Variants in MAN1A1 observed in about 807,000 individuals in gnomAD.
MAN1A1 encodes mannosyl-oligosaccharide 1,2-alpha-mannosidase IA.
In MAN1A1, 29 loss-of-function variants were observed where a neutral mutation model predicts 70.8. That is an observed-to-expected ratio of 0.41 (90% CI 0.31 to 0.56). The LOEUF (loss-of-function observed/expected upper bound fraction) is 0.56. Ranked by LOEUF, MAN1A1 falls within the 20% of genes least tolerant of loss-of-function variation. The pLI is 0.29. For synonymous variants in MAN1A1, 349 were observed against 330.1 expected (o/e 1.06, Z -0.62); for missense variants, 747 against 841.3 (o/e 0.89, Z 1.39).
intron 6 of MAN1A1, among the ~76,000 whole-genome samples, chr6:119,240,078 T>C (rs1211295870): frequency 2.6e-5 from 4 of 152,178 alleles, no homozygotes; most frequent in East Asian, 1.9e-4. Flanking sequence ...GTAGATGCTA[T>C]GGGAAAAGTA....
intron 2 of MAN1A1, among the ~76,000 whole-genome samples, chr6:119,309,771 T>G (rs890214258): frequency 6.6e-6 from 1 of 152,188 alleles, no homozygotes; most frequent in African/African-American, 2.4e-5. Context: ...ATTTCATAAT[T>G]GCAACCCATT....
intron 5 of MAN1A1, among the ~76,000 whole-genome samples, chr6:119,270,343 T>C (rs1775885547): frequency 6.6e-6 from 1 of 152,242 alleles, no homozygotes; most frequent in African/African-American, 2.4e-5. Context: ...CATATTAATA[T>C]TTTCAATTAA....
chr6:119,201,980 G>GA (rs1286292816), intron 7 of MAN1A1, among the ~76,000 whole-genome samples: 3 of 152,114 alleles, frequency 2.0e-5, no homozygotes, highest in Non-Finnish European at 4.4e-5. Flanking sequence ...AGTAATAAGT[G>GA]AATGTGAAGG....
chr6:119,291,286 A>G (rs1433354089), intron 4 of MAN1A1, among the ~76,000 whole-genome samples: 3 of 152,050 alleles, frequency 2.0e-5, no homozygotes, highest in African/African-American at 4.8e-5. Flanking sequence ...GCCTTCCGCC[A>G]TGATTGTGAG....
chr6:119,337,102 T>C (rs1773473087), intron 2 of MAN1A1, among the ~76,000 whole-genome samples: 2 of 152,190 alleles, frequency 1.3e-5, no homozygotes, highest in South Asian at 4.1e-4. Context: ...TTTTTTGTTT[T>C]TGGCACCACT....
At chr6:119,305,702 T>C (rs1473022722) in intron 3 of MAN1A1, among the ~76,000 whole-genome samples, 1 of 152,188 alleles carries the variant, frequency 6.6e-6, no homozygotes, top group African/African-American at 2.4e-5. Flanking sequence ...TTCATGGAAG[T>C]ATATATTGAA....
chr6:119,349,585 T>A lies in MAN1A1; in HGVS notation c.-266A>T. 1.0e-6 allele frequency: 1 copy of A among 985,910 alleles called. No homozygotes were observed. Among genetic ancestry groups the A allele is most frequent in the Non-Finnish European group, 1.2e-6 (1 of 830,068 alleles). 61.1% of individuals were successfully genotyped at this position (985,910 alleles called of 1,614,324 possible). On this transcript the variant is annotated 5_prime_UTR_variant, in exon 1 of 13. In the 5' UTR this introduces an upstream ATG that the reference lacks. Transcript: ENST00000368468. ...CAGCGTGGGCGGGAGACTCGTCAAC[T>A]TCGCCCGCTCCCCATCTCCGCGCTG...
At chr6:119,242,996 C>T (rs1465665287) in intron 6 of MAN1A1, among the ~76,000 whole-genome samples, 2 of 151,952 alleles carry the variant, frequency 1.3e-5, no homozygotes, top group Non-Finnish European at 2.9e-5. Flanking sequence ...GAAAAAGAAA[C>T]CATAAAGAAG....
In MAN1A1 at chr6:119,248,163, G is replaced by A. The variant is rs1005287777; in HGVS notation, c.992+97C>T. The A allele has an allele frequency of 5.4e-5, 42 of 779,756 alleles. No homozygotes were observed. In the African/African-American group the frequency reaches 7.2e-4, roughly 13 times the overall value. 48.3% of individuals were successfully genotyped at this position (779,756 alleles called of 1,614,324 possible). A position where few individuals can be genotyped will look rare whatever the true frequency, so the allele number is the denominator to read the frequency against. The stretch of plus-strand genomic sequence containing the variant: ...TCCCAGTGGAGTCTGTTAGTCACCA[G>A]TATCATATAAGTAATTATCTATCTA... On this transcript the variant is annotated intron_variant, in intron 6 of 12. Coordinates refer to ENST00000368468, the MANE Select transcript of MAN1A1 (RefSeq NM_005907.4).
upstream of MAN1A1, among the ~76,000 whole-genome samples, chr6:119,349,964 G>A (rs968712626): frequency 8.5e-5 from 13 of 152,054 alleles, no homozygotes; most frequent in Admixed American, 5.9e-4. Flanking sequence ...CGCGGGGCCG[G>A]GAGGCGCGAG....
chr6:119,326,176 TGAGCCGGCTGCTC>T (rs982590750), intron 2 of MAN1A1, among the ~76,000 whole-genome samples: 9 of 152,202 alleles, frequency 5.9e-5, no homozygotes, highest in Admixed American at 2.6e-4. Context: ...CTCGGCTGCT[TGAGCCGGCTGCTC>T]CCACGTATAC....
At chr6:119,307,240 T>C (rs1772557177) in intron 2 of MAN1A1, among the ~76,000 whole-genome samples, 1 of 152,204 alleles carries the variant, frequency 6.6e-6, no homozygotes, top group South Asian at 2.1e-4. Context: ...TAATCCTATT[T>C]AATGCAAATA....
chr6:119,201,428 T>C, intron 7 of MAN1A1, 81 bp from the exon 8 acceptor site: 1 of 887,910 alleles, frequency 1.1e-6, no homozygotes, highest in Non-Finnish European at 1.8e-6. Context: ...AACATACAAG[T>C]TGACTTAAAT....
At chr6:119,342,921 CT>C (rs1023456263) in intron 2 of MAN1A1, among the ~76,000 whole-genome samples, 1 of 152,078 alleles carries the variant, frequency 6.6e-6, no homozygotes, top group African/African-American at 2.4e-5. Flanking sequence ...CTCTCCCTTC[CT>C]TCTTCTTCCC....
chr6:119,248,599 G>A (rs933809286), intron 5 of MAN1A1, among the ~76,000 whole-genome samples: 1 of 152,184 alleles, frequency 6.6e-6, no homozygotes, highest in Non-Finnish European at 1.5e-5. Flanking sequence ...GGGAGATTTG[G>A]ATGCTACTGA....
At position 119,349,740 on chromosome 6, in the gene MAN1A1, C is replaced by T; in HGVS notation, c.-421G>A. ...AGCGAGTAGAGCAGCACGGTACACT[C>T]CGCCGCGGCCCCGCGAGCACTAATC... On this transcript the variant is annotated 5_prime_UTR_variant, in exon 1 of 13. Coordinates refer to ENST00000368468, the MANE Select transcript of MAN1A1 (RefSeq NM_005907.4). 2 of 985,594 alleles carry T rather than the reference C, an allele frequency of 2.0e-6. No homozygotes were observed. The highest frequency in any genetic ancestry group is 2.4e-6 in the Non-Finnish European group (2 of 829,968). The allele number at this position is 985,594 out of a possible 1,614,324, so 61.1% of individuals were successfully genotyped here.
intron 5 of MAN1A1, among the ~76,000 whole-genome samples, chr6:119,256,294 T>A (rs762022682): frequency 6.6e-6 from 1 of 152,212 alleles, no homozygotes; most frequent in Admixed American, 6.5e-5. Context: ...TTATCTAGCT[T>A]TTTAAAGATA....
chr6:119,193,796 A>G lies in MAN1A1; in HGVS notation c.1307T>C (p.Met436Thr). 6.2e-7 allele frequency: 1 copy of G among 1,613,268 alleles called. No homozygotes were observed. The highest frequency in any genetic ancestry group is 8.5e-7 in the Non-Finnish European group (1 of 1,179,494). ...SDKTDLEAKK[M>T]YFDAVQAIET... ...GGTTACCTGAACAGCATCAAAATAC[A>G]TCTTCTTAGCTTCCAGATCTGTCTT... is the stretch of plus-strand genomic sequence containing the variant. Residue 436 changes from methionine (M) to threonine (T), a missense_variant, in exon 9 of 13, where the codon ATG becomes ACG. Transcript: ENST00000368468.
chr6:119,197,065 T>C (rs79832320), intron 8 of MAN1A1, among the ~76,000 whole-genome samples: 4,723 of 152,136 alleles, frequency 0.031, 133 homozygotes, highest in Non-Finnish European at 0.044. Context: ...TCCCAGAACA[T>C]TGGGAGGCCG....
Sources: gnomAD v4.1 joint callset for allele counts (sites outside exome capture counted in the v4.1 genomes callset) on GRCh38, gnomAD v4.1.1 for gene constraint, MANE v1.5 for transcripts, NCBI Gene and HGNC (gene_info 2026-07-23, HGNC 2026-07-21) for gene names.